The following SLC12A8 variants were observed in gnomAD, a reference collection of about 807,000 sequenced individuals.
The protein encoded by SLC12A8 is cation-chloride cotransporter 9.
SLC12A8 carries 69 observed loss-of-function variants against 75.6 expected under a neutral mutation model. The observed-to-expected ratio is 0.91, with a 90% CI of 0.75 to 1.11. SLC12A8 has a LOEUF of 1.11. Ranked by LOEUF, SLC12A8 falls within the 50% of genes most tolerant of loss-of-function variation. The pLI is 0.00. For synonymous variants in SLC12A8, 365 were observed against 372.8 expected (o/e 0.98, Z 0.24); for missense variants, 877 against 896.7 (o/e 0.98, Z 0.28).
chr3:125,169,936 T>C (rs1209821667), intron 5 of SLC12A8, among the ~76,000 whole-genome samples: 1 of 151,026 alleles, frequency 6.6e-6, no homozygotes, highest in Non-Finnish European at 1.5e-5. Context: ...CAGAACAAGA[T>C]TGTAGAAAAA....
chr3:125,104,339 C>A (rs1426017372), intron 10 of SLC12A8, among the ~76,000 whole-genome samples: 4 of 151,570 alleles, frequency 2.6e-5, no homozygotes, highest in African/African-American at 7.3e-5. Flanking sequence ...GAACTCCTGG[C>A]CTCAGGTGAT....
At chr3:125,108,724 T>C (rs529018551) in intron 9 of SLC12A8, among the ~76,000 whole-genome samples, 5 of 152,280 alleles carry the variant, frequency 3.3e-5, no homozygotes, top group African/African-American at 1.2e-4. Flanking sequence ...TCCCAAATAT[T>C]TCCTCCTTTT....
chr3:125,189,777 C>T (rs586273), intron 3 of SLC12A8, among the ~76,000 whole-genome samples: 146,674 of 152,250 alleles, frequency 0.96, 70,873 homozygotes, highest in East Asian at 1. Context: ...GAACCCCTGC[C>T]CCAGGCACAC....
At chr3:125,165,952 T>C (rs114611061) in intron 5 of SLC12A8, among the ~76,000 whole-genome samples, 1,549 of 152,356 alleles carry the variant, frequency 0.01, 22 homozygotes, top group African/African-American at 0.036. Flanking sequence ...CCACTTTGTA[T>C]GTTTGGAATT....
chr3:125,114,550 G>A (rs1161960048), intron 8 of SLC12A8, among the ~76,000 whole-genome samples: 1 of 152,000 alleles, frequency 6.6e-6, no homozygotes, highest in South Asian at 2.1e-4. Flanking sequence ...TCAGCCTCTC[G>A]AGTAGCTGGA....
At chr3:125,127,777 AT>A (rs1256621148) in intron 6 of SLC12A8, among the ~76,000 whole-genome samples, 1 of 152,250 alleles carries the variant, frequency 6.6e-6, no homozygotes, top group African/African-American at 2.4e-5. Flanking sequence ...GATATTTATA[AT>A]TGTTTTGATA....
At chr3:125,167,511 G>A (rs1934315283) in intron 5 of SLC12A8, among the ~76,000 whole-genome samples, 1 of 152,196 alleles carries the variant, frequency 6.6e-6, no homozygotes, top group Admixed American at 6.5e-5. Flanking sequence ...GTCCTGAGCA[G>A]ACTGTTATAG....
chr3:125,104,298 G>A (rs1938967325), intron 10 of SLC12A8, among the ~76,000 whole-genome samples: 1 of 151,456 alleles, frequency 6.6e-6, no homozygotes, highest in Admixed American at 6.6e-5. Context: ...TTGTAGATAT[G>A]GGGTCTCACT....
At chr3:125,175,599 T>C (rs1482035266) in intron 5 of SLC12A8, among the ~76,000 whole-genome samples, 1 of 152,126 alleles carries the variant, frequency 6.6e-6, no homozygotes. Context: ...ATTTCACTAA[T>C]TGAGCTCTTC....
At chr3:125,189,956 T>C (rs1297140872) in intron 3 of SLC12A8, among the ~76,000 whole-genome samples, 2 of 152,138 alleles carry the variant, frequency 1.3e-5, no homozygotes, top group African/African-American at 4.8e-5. Flanking sequence ...AGCATCCCCA[T>C]GCACAGTCTT....
Position 125,114,678 on chromosome 3 carries a change from C to T in SLC12A8, c.912+4091G>A, listed in dbSNP as rs541358645. Among the ~76,000 whole-genome samples, 37 of 152,268 alleles carry T rather than the reference C, an allele frequency of 2.4e-4. 1 individual carries two copies. In the South Asian group the frequency reaches 6.0e-3, roughly 25 times the overall value. ...CTGACCTCAAGTGATCTGCCCGCCACGCCCTCCCAAAGTGCTGGGATTACA... is the reference window on the plus strand; with the variant it reads ...CTGACCTCAAGTGATCTGCCCGCCATGCCCTCCCAAAGTGCTGGGATTACA... On this transcript the variant is annotated intron_variant, in intron 8 of 13. Coordinates refer to ENST00000469902, the MANE Select transcript of SLC12A8 (RefSeq NM_024628.6).
At chr3:125,100,260 A>C (rs1473059571) in intron 10 of SLC12A8, among the ~76,000 whole-genome samples, 1 of 152,206 alleles carries the variant, frequency 6.6e-6, no homozygotes, top group Admixed American at 6.5e-5. Flanking sequence ...AAACTTCCCA[A>C]ATTTGATGAA....
At chr3:125,164,865 T>C (rs1253312471) in intron 5 of SLC12A8, among the ~76,000 whole-genome samples, 6 of 152,238 alleles carry the variant, frequency 3.9e-5, no homozygotes, top group African/African-American at 1.4e-4. Context: ...GGGGTGGAGC[T>C]TGGGATTCTT....
At chr3:125,211,216 G>A in intron 2 of SLC12A8, 83 bp downstream of exon 2, 4 of 1,141,122 alleles carry the variant, frequency 3.5e-6, no homozygotes, top group Non-Finnish European at 5.3e-6. Flanking sequence ...AGGGTGCGCT[G>A]TAATGTTTGC....
chr3:125,183,431 A>T (rs182181779), intron 4 of SLC12A8, among the ~76,000 whole-genome samples: 30 of 152,182 alleles, frequency 2.0e-4, no homozygotes, highest in Admixed American at 1.6e-3. Flanking sequence ...TAATGCTTCC[A>T]TTCCAAGGTA....
intron 4 of SLC12A8, among the ~76,000 whole-genome samples, chr3:125,180,665 T>G (rs905010235): frequency 2.6e-5 from 4 of 152,184 alleles, no homozygotes; most frequent in African/African-American, 9.7e-5. Flanking sequence ...CACTCCAGCC[T>G]GGGCAGAAAA....
intron 5 of SLC12A8, among the ~76,000 whole-genome samples, chr3:125,146,891 C>A (rs368052404): frequency 6.6e-6 from 1 of 152,212 alleles, no homozygotes; most frequent in Non-Finnish European, 1.5e-5. Context: ...CCTTCCTCCA[C>A]GAGAAGCAGG....
intron 10 of SLC12A8, among the ~76,000 whole-genome samples, chr3:125,103,417 T>C (rs1165407099): frequency 6.8e-6 from 1 of 146,064 alleles, no homozygotes. Flanking sequence ...CAAGCCCTGC[T>C]AATGTACAAA....
intron 8 of SLC12A8, among the ~76,000 whole-genome samples, chr3:125,116,803 T>C (rs1340247266): frequency 6.6e-6 from 1 of 152,222 alleles, no homozygotes; most frequent in African/African-American, 2.4e-5. Flanking sequence ...AAGCTGCAGA[T>C]GAGCAGGAAG....
Sources: allele counts gnomAD v4.1 joint callset (sites outside exome capture counted in the v4.1 genomes callset), GRCh38; gene constraint gnomAD v4.1.1; transcripts MANE v1.5; gene names NCBI Gene and HGNC (gene_info 2026-07-23, HGNC 2026-07-21).